LRP1B: variants seen among roughly 807,000 people sequenced by gnomAD.
LRP1B encodes low-density lipoprotein receptor-related protein 1B.
LRP1B carries 217 observed loss-of-function variants against 556.6 expected under a neutral mutation model. That is an observed-to-expected ratio of 0.39 (90% CI 0.35 to 0.44). LRP1B has a LOEUF of 0.44. Among genes scored for constraint, LRP1B ranks in the 20% least tolerant of loss-of-function variants. The pLI is 1.00. For missense variants in LRP1B, 5,053 were observed against 5,620.8 expected, an observed-to-expected ratio of 0.90 and a Z score of 3.23; for synonymous variants, 2,047 against 1,865.8, an observed-to-expected ratio of 1.10 and a Z score of -2.50.
chr2:141,702,361 C>T (rs761526922), intron 2 of LRP1B, among the ~76,000 whole-genome samples: 53 of 151,988 alleles, frequency 3.5e-4, no homozygotes, highest in Admixed American at 6.6e-4. Context: ...GCAGCTTCCC[C>T]TCAGCTATAA....
chr2:141,208,882 A>C (rs1345939059), intron 6 of LRP1B, among the ~76,000 whole-genome samples: 5 of 13,618 alleles, frequency 3.7e-4, no homozygotes, highest in Non-Finnish European at 1.1e-3. Context: ...GTCTCAAAAA[A>C]AAAAAAAAAA....
intron 7 of LRP1B, among the ~76,000 whole-genome samples, chr2:141,134,725 C>CAA (rs59459189): frequency 0.066 from 9,348 of 140,610 alleles, 405 homozygotes; most frequent in Non-Finnish European, 0.099. Flanking sequence ...CAATAACTAC[C>CAA]AAAAAAAAAA....
intron 71 of LRP1B, among the ~76,000 whole-genome samples, chr2:140,368,309 A>G (rs781534872): frequency 3.4e-4 from 51 of 152,028 alleles, no homozygotes; most frequent in Non-Finnish European, 6.2e-4. Context: ...GAGACCTTGG[A>G]AAGTTCATAT....
intron 6 of LRP1B, among the ~76,000 whole-genome samples, chr2:141,196,177 G>A (rs564463570): frequency 6.6e-6 from 1 of 152,038 alleles, no homozygotes; most frequent in South Asian, 2.1e-4. Flanking sequence ...TACAGTAAAT[G>A]TGCATGATTT....
intron 32 of LRP1B, among the ~76,000 whole-genome samples, chr2:140,800,807 C>T (rs1690481233): frequency 6.6e-6 from 1 of 152,116 alleles, no homozygotes; most frequent in African/African-American, 2.4e-5. Context: ...TTTCTATATA[C>T]ATATGTACAT....
chr2:140,600,574 C>G (rs1231972571), intron 42 of LRP1B, among the ~76,000 whole-genome samples: 1 of 151,888 alleles, frequency 6.6e-6, no homozygotes, highest in Non-Finnish European at 1.5e-5. Flanking sequence ...TTAATCACAC[C>G]TAAAACGAAC....
At chr2:140,456,764 C>T (rs1025525519) in intron 61 of LRP1B, among the ~76,000 whole-genome samples, 161 bp from the exon 62 acceptor site, 3 of 152,130 alleles carry the variant, frequency 2.0e-5, no homozygotes, top group African/African-American at 7.2e-5. Flanking sequence ...TACTTTGTCA[C>T]AAATGCTACT....
intron 3 of LRP1B, among the ~76,000 whole-genome samples, chr2:141,281,784 T>C (rs1685517783): frequency 6.6e-6 from 1 of 152,062 alleles, no homozygotes; most frequent in Non-Finnish European, 1.5e-5. Flanking sequence ...TATGGTATAG[T>C]AGTTAGAAAC....
intron 31 of LRP1B, among the ~76,000 whole-genome samples, chr2:140,825,890 T>C (rs748329476): frequency 4.6e-5 from 7 of 152,254 alleles, no homozygotes; most frequent in Non-Finnish European, 8.8e-5. Flanking sequence ...TAGGCTGTGA[T>C]ACCCAGTCAT....
intron 23 of LRP1B, among the ~76,000 whole-genome samples, chr2:140,887,924 A>G (rs910464251): frequency 2.6e-5 from 4 of 152,130 alleles, no homozygotes; most frequent in Non-Finnish European, 4.4e-5. Flanking sequence ...GCAAATGGGC[A>G]TGGGGTTTGT....
intron 3 of LRP1B, among the ~76,000 whole-genome samples, chr2:141,276,431 A>G (rs1304966721): frequency 2.6e-5 from 4 of 151,812 alleles, no homozygotes; most frequent in Non-Finnish European, 5.9e-5. Context: ...TAGTTTTTCC[A>G]TCTTGACTCT....
chr2:140,535,604 G>T (rs1690916871), intron 46 of LRP1B, among the ~76,000 whole-genome samples: 1 of 152,128 alleles, frequency 6.6e-6, no homozygotes, highest in Non-Finnish European at 1.5e-5. Context: ...GGCAGTTTCA[G>T]ATGTAGATTC....
rs772704194 is a variant in LRP1B at position 141,734,876 on chromosome 2, G to A, written c.205+75403C>T. The stretch of plus-strand genomic sequence containing the variant: ...GCACTCTAGTTCTTCAACTGGAGCC[G>A]TTTGAAAAGAAAGGATGCTAACTTT... On this transcript the variant is annotated intron_variant, in intron 2 of 90. Transcript: ENST00000389484. Among the ~76,000 whole-genome samples, 18 of 152,250 alleles carry A rather than the reference G, an allele frequency of 1.2e-4. No homozygotes were observed. In the South Asian group the frequency reaches 2.3e-3, roughly 19 times the overall value.
intron 17 of LRP1B, among the ~76,000 whole-genome samples, chr2:140,986,610 TC>T (rs201137144): frequency 0.32 from 49,123 of 151,800 alleles, 8,374 homozygotes; most frequent in East Asian, 0.58. Flanking sequence ...AGACAGTGCT[TC>T]CTTTAAGAAG....
intron 4 of LRP1B, among the ~76,000 whole-genome samples, chr2:141,250,757 T>C (rs1684232084): frequency 6.6e-6 from 1 of 152,132 alleles, no homozygotes; most frequent in Non-Finnish European, 1.5e-5. Context: ...TACCTCTGGA[T>C]AATGTCAGAA....
At chr2:141,573,291 C>T (rs2105266497) in intron 2 of LRP1B, among the ~76,000 whole-genome samples, 1 of 152,246 alleles carries the variant, frequency 6.6e-6, no homozygotes, top group South Asian at 2.1e-4. Flanking sequence ...TTAATAAAGT[C>T]ACTCAAAACC....
At chr2:140,827,667 G>T (rs1691556951) in intron 31 of LRP1B, among the ~76,000 whole-genome samples, 1 of 151,946 alleles carries the variant, frequency 6.6e-6, no homozygotes, top group South Asian at 2.1e-4. Context: ...AGCATATAAG[G>T]GAGTTGAGAA....
intron 41 of LRP1B, among the ~76,000 whole-genome samples, chr2:140,673,887 C>CA: frequency 6.6e-6 from 1 of 152,034 alleles, no homozygotes; most frequent in South Asian, 2.1e-4. Context: ...GTAGCAATAA[C>CA]ATACCAACTC....
chr2:140,628,128 C>G (rs1683733813), intron 41 of LRP1B, among the ~76,000 whole-genome samples: 2 of 152,156 alleles, frequency 1.3e-5, no homozygotes, highest in African/African-American at 4.8e-5. Context: ...GCGGTGCCTT[C>G]ACAATCAAGT....
Sources: allele counts gnomAD v4.1 joint callset (sites outside exome capture counted in the v4.1 genomes callset), GRCh38; gene constraint gnomAD v4.1.1; transcripts MANE v1.5; gene names NCBI Gene and HGNC (gene_info 2026-07-23, HGNC 2026-07-21).